Variants in DSCAM observed in about 807,000 individuals in gnomAD.
DSCAM encodes the protein cell adhesion molecule DSCAM.
DSCAM carries 47 observed loss-of-function variants against 217.7 expected under a neutral mutation model. That is an observed-to-expected ratio of 0.22 (90% CI 0.17 to 0.28). The LOEUF (loss-of-function observed/expected upper bound fraction) is 0.28. Among genes scored for constraint, DSCAM ranks in the 10% least tolerant of loss-of-function variants. DSCAM has a pLI of 1.00. For missense variants in DSCAM, 2,080 were observed against 2,618.3 expected (o/e 0.79, Z 4.49); for synonymous variants, 1,056 against 1,015.3 (o/e 1.04, Z -0.76).
intron 3 of DSCAM, among the ~76,000 whole-genome samples, chr21:40,659,711 G>T (rs74878937): frequency 2.0e-5 from 3 of 151,450 alleles, no homozygotes; most frequent in African/African-American, 7.3e-5. Flanking sequence ...TGTATCTATC[G>T]ATCGATCCAT....
intron 4 of DSCAM, among the ~76,000 whole-genome samples, chr21:40,367,452 C>T (rs569866107): frequency 6.6e-6 from 1 of 152,192 alleles, no homozygotes; most frequent in African/African-American, 2.4e-5. Flanking sequence ...ACCCAAACTC[C>T]AGATGTACAT....
At chr21:40,027,453 A>T (rs1189740705) in intron 32 of DSCAM, among the ~76,000 whole-genome samples, 2 of 149,838 alleles carry the variant, frequency 1.3e-5, no homozygotes, top group African/African-American at 2.4e-5. Context: ...GTTCTCCTGG[A>T]TAATATCCTG....
intron 1 of DSCAM, among the ~76,000 whole-genome samples, chr21:40,732,838 A>G (rs1166661737): frequency 6.6e-6 from 1 of 152,210 alleles, no homozygotes; most frequent in Non-Finnish European, 1.5e-5. Context: ...CTGGGCTTGG[A>G]GCCAGCACCA....
intron 3 of DSCAM, among the ~76,000 whole-genome samples, chr21:40,613,494 TAAAC>T (rs1296194192): frequency 5.9e-5 from 9 of 152,298 alleles, no homozygotes; most frequent in South Asian, 4.1e-4. Context: ...AAGGCAAAAT[TAAAC>T]AAGAGATTTC....
chr21:40,333,984 T>C lies in DSCAM; in HGVS notation c.1783+4117A>G, dbSNP rs145954678. Reference sequence around the variant, plus strand: ...CATGGATCTGTGCCAATCTGGGAAATCTAAAAATAGGTAAACTTACATTTC... The same window carrying C: ...CATGGATCTGTGCCAATCTGGGAAACCTAAAAATAGGTAAACTTACATTTC... On this transcript the variant is annotated intron_variant, in intron 8 of 32. Transcript: ENST00000400454. Among the ~76,000 whole-genome samples, 2 of 152,344 alleles carry C rather than the reference T, an allele frequency of 1.3e-5. 1 individual carries two copies. The highest frequency in any genetic ancestry group is 4.8e-5 in the African/African-American group (2 of 41,588).
At chr21:40,032,108 A>G (rs1288807691) in intron 32 of DSCAM, among the ~76,000 whole-genome samples, 1 of 152,204 alleles carries the variant, frequency 6.6e-6, no homozygotes. Flanking sequence ...TTGTAGAAAC[A>G]GCTCTGTCAG....
intron 11 of DSCAM, among the ~76,000 whole-genome samples, chr21:40,212,193 T>A (rs1343669956): frequency 6.6e-6 from 1 of 151,916 alleles, no homozygotes; most frequent in Non-Finnish European, 1.5e-5. Flanking sequence ...TGATCTCGAA[T>A]TCCTGACCTC....
At chr21:40,377,071 A>G (rs1569093496) in intron 3 of DSCAM, among the ~76,000 whole-genome samples, 2 of 152,200 alleles carry the variant, frequency 1.3e-5, no homozygotes, top group Admixed American at 6.5e-5. Flanking sequence ...AAATTTAGAT[A>G]GAGACATGGA....
chr21:40,809,845 G>A (rs986054294), intron 1 of DSCAM, among the ~76,000 whole-genome samples: 1 of 152,196 alleles, frequency 6.6e-6, no homozygotes, highest in East Asian at 1.9e-4. Context: ...GCCCTTGCAC[G>A]TGACTCACTC....
intron 1 of DSCAM, among the ~76,000 whole-genome samples, chr21:40,790,230 G>A (rs1480888238): frequency 6.9e-6 from 1 of 145,898 alleles, no homozygotes; most frequent in African/African-American, 2.6e-5. Flanking sequence ...CTCCCAGGCT[G>A]GAGTGCAGTG....
At chr21:40,809,989 C>A (rs140885796) in intron 1 of DSCAM, among the ~76,000 whole-genome samples, 1 of 152,174 alleles carries the variant, frequency 6.6e-6, no homozygotes, top group Non-Finnish European at 1.5e-5. Flanking sequence ...TGACTTCAGG[C>A]GAGATGGCAG....
At chr21:40,412,997 T>C (rs1313340752) in intron 3 of DSCAM, among the ~76,000 whole-genome samples, 2 of 152,212 alleles carry the variant, frequency 1.3e-5, no homozygotes, top group African/African-American at 4.8e-5. Context: ...CTTCAGAGGG[T>C]ACAAGCCTCA....
chr21:40,162,020 TG>T (rs1260236099), intron 16 of DSCAM, among the ~76,000 whole-genome samples: 1 of 152,210 alleles, frequency 6.6e-6, no homozygotes. Context: ...TTTATGGGGT[TG>T]GGTATAATTT....
chr21:40,249,246 G>A (rs2073269569), intron 11 of DSCAM, among the ~76,000 whole-genome samples: 1 of 152,142 alleles, frequency 6.6e-6, no homozygotes, highest in African/African-American at 2.4e-5. Flanking sequence ...ATCTTGAATT[G>A]TACTCCCATA....
intron 18 of DSCAM, among the ~76,000 whole-genome samples, chr21:40,137,692 TA>T (rs1192256391): frequency 3.3e-5 from 5 of 151,302 alleles, no homozygotes; most frequent in East Asian, 3.9e-4. Context: ...GAAATAAAAT[TA>T]AAAAAATATA....
chr21:40,182,482 C>T (rs1568986214), intron 14 of DSCAM, among the ~76,000 whole-genome samples: 3 of 151,668 alleles, frequency 2.0e-5, no homozygotes, highest in Admixed American at 6.6e-5. Context: ...GAGGGAGGGA[C>T]AAGAGAAACT....
At chr21:40,502,699 C>T (rs894853651) in intron 3 of DSCAM, among the ~76,000 whole-genome samples, 23 of 152,144 alleles carry the variant, frequency 1.5e-4, no homozygotes, top group African/African-American at 5.3e-4. Flanking sequence ...ACATTGGACT[C>T]ACCCAGATAA....
chr21:40,110,798 T>C (rs1374899067), intron 20 of DSCAM, among the ~76,000 whole-genome samples: 1 of 152,042 alleles, frequency 6.6e-6, no homozygotes, highest in South Asian at 2.1e-4. Flanking sequence ...TTCAATCAAC[T>C]GGAAGAAAGG....
intron 1 of DSCAM, among the ~76,000 whole-genome samples, chr21:40,760,602 G>T (rs995552621): frequency 2.6e-5 from 4 of 152,232 alleles, no homozygotes; most frequent in Non-Finnish European, 4.4e-5. Context: ...TGCTTTGCCA[G>T]TTTCAAGCAG....
Sources: gnomAD v4.1 joint callset for allele counts (sites outside exome capture counted in the v4.1 genomes callset) on GRCh38, gnomAD v4.1.1 for gene constraint, MANE v1.5 for transcripts, NCBI Gene and HGNC (gene_info 2026-07-23, HGNC 2026-07-21) for gene names.